Variants in SEMA3A observed in about 807,000 individuals in gnomAD.
SEMA3A encodes semaphorin 3A.
A neutral mutation model predicts 97.9 loss-of-function variants in SEMA3A; 29 were observed. The ratio of observed to expected loss-of-function variants is 0.30; its 90% CI spans 0.22 to 0.40. The LOEUF (loss-of-function observed/expected upper bound fraction) is 0.40. Among genes scored for constraint, SEMA3A ranks in the 10% least tolerant of loss-of-function variants. SEMA3A has a pLI of 1.00. For synonymous variants in SEMA3A, 321 were observed against 323.7 expected (o/e 0.99, Z 0.09); for missense variants, 763 against 951.3 (o/e 0.80, Z 2.60).
Position 83,955,853 on chromosome 7 carries a change from C to G in SEMA3A, c.*5518G>C, listed in dbSNP as rs1012174427. 6.6e-6 allele frequency: 1 copy of G among 152,116 alleles called. No individual in the cohort carries two copies. Among genetic ancestry groups the G allele is most frequent in the Non-Finnish European group, 1.5e-5 (1 of 68,024 alleles). The allele number at this position is 152,116 out of a possible 1,614,324, so 9.4% of individuals were successfully genotyped here. ...ACAAAGAGAGAAGACGGAAGTTGAG[C>G]CTTCACATTACCTGAATTGTGATGA... On this transcript the variant is annotated 3_prime_UTR_variant, in exon 17 of 17. Coordinates refer to ENST00000265362, the MANE Select transcript of SEMA3A (RefSeq NM_006080.3).
rs921682381 is a variant in SEMA3A at position 83,960,960 on chromosome 7, C to A, written c.*411G>T. On this transcript the variant is annotated 3_prime_UTR_variant, in exon 17 of 17. Coordinates refer to ENST00000265362, the MANE Select transcript of SEMA3A (RefSeq NM_006080.3). ...GAATCCAACCACGTTTTGGAATATT[C>A]ATCAGCTTAGTAAATCCATGCAGTT... 1.6e-5 allele frequency: 3 copies of A among 190,612 alleles called. No homozygotes were observed. The highest frequency in any genetic ancestry group is 1.1e-4 in the Admixed American group (2 of 18,780). The allele number at this position is 190,612 out of a possible 1,614,324, so 11.8% of individuals were successfully genotyped here.
intron 3 of SEMA3A, among the ~76,000 whole-genome samples, chr7:84,296,574 A>AT (rs1190666288): frequency 6.6e-6 from 1 of 152,166 alleles, no homozygotes; most frequent in Non-Finnish European, 1.5e-5. Context: ...TAAAAAAGAA[A>AT]TTTGGGATGT....
At chr7:84,104,458 A>G (rs946104584) in intron 4 of SEMA3A, among the ~76,000 whole-genome samples, 4 of 152,132 alleles carry the variant, frequency 2.6e-5, no homozygotes, top group Admixed American at 6.5e-5. Flanking sequence ...TCAGTAAAAA[A>G]CTGTACAATT....
chr7:84,290,649 CT>C (rs2115782528), intron 3 of SEMA3A, among the ~76,000 whole-genome samples: 1 of 152,152 alleles, frequency 6.6e-6, no homozygotes, highest in South Asian at 2.1e-4. Flanking sequence ...GAAGTAAGCC[CT>C]TTTAAAAATT....
At chr7:84,126,764 A>G (rs1264601657) in intron 3 of SEMA3A, among the ~76,000 whole-genome samples, 1 of 152,166 alleles carries the variant, frequency 6.6e-6, no homozygotes, top group Non-Finnish European at 1.5e-5. Context: ...TACTTTTCAA[A>G]TAATTTTCAC....
chr7:84,240,417 G>A (rs936413851), intron 3 of SEMA3A, among the ~76,000 whole-genome samples: 4 of 151,846 alleles, frequency 2.6e-5, no homozygotes, highest in Non-Finnish European at 4.4e-5. Context: ...TTATAAGAGA[G>A]AGGGCGGGGG....
chr7:84,160,259 ATCTATCTATCTATCTATCG>A (rs1405474754), intron 1 of SEMA3A, among the ~76,000 whole-genome samples: 2 of 122,296 alleles, frequency 1.6e-5, no homozygotes, highest in African/African-American at 6.3e-5. Flanking sequence ...CTATCTATCT[ATCTATCTATCTATCTATCG>A]TTAGTTCGTT....
intron 4 of SEMA3A, among the ~76,000 whole-genome samples, chr7:84,091,226 G>A (rs1256868149): frequency 1.6e-5 from 1 of 61,890 alleles, no homozygotes; most frequent in Non-Finnish European, 3.8e-5. Flanking sequence ...AGAAAAGAAA[G>A]AAAAGAAAGA....
At chr7:84,222,840 T>C (rs1478953324) in intron 3 of SEMA3A, among the ~76,000 whole-genome samples, 1 of 151,914 alleles carries the variant, frequency 6.6e-6, no homozygotes, top group East Asian at 1.9e-4. Context: ...TATGTTGGTA[T>C]CACTAGGGAA....
chr7:84,303,255 A>C (rs975197812), intron 3 of SEMA3A, among the ~76,000 whole-genome samples: 1 of 152,124 alleles, frequency 6.6e-6, no homozygotes, highest in Non-Finnish European at 1.5e-5. Flanking sequence ...CCGTGAGGTA[A>C]GAGCTTGCTA....
At chr7:84,035,946 C>T (rs896114473) in intron 6 of SEMA3A, among the ~76,000 whole-genome samples, 1 of 152,024 alleles carries the variant, frequency 6.6e-6, no homozygotes, top group Non-Finnish European at 1.5e-5. Flanking sequence ...AACTGATTCC[C>T]GTCCTTTTCT....
intron 1 of SEMA3A, among the ~76,000 whole-genome samples, chr7:84,452,139 A>G (rs1805571872): frequency 6.6e-6 from 1 of 152,184 alleles, no homozygotes; most frequent in African/African-American, 2.4e-5. Flanking sequence ...AAAAACATTC[A>G]AAGAAGGATC....
chr7:84,431,339 T>A (rs1006889232), intron 1 of SEMA3A, among the ~76,000 whole-genome samples: 3 of 152,048 alleles, frequency 2.0e-5, no homozygotes, highest in African/African-American at 7.2e-5. Flanking sequence ...TTCATTGATA[T>A]CTAATTCATC....
At chr7:83,976,317 CA>C (rs986909388) in intron 15 of SEMA3A, among the ~76,000 whole-genome samples, 15 of 151,866 alleles carry the variant, frequency 9.9e-5, no homozygotes, top group African/African-American at 1.2e-4. Context: ...TAAATGGCAT[CA>C]AAAAAATTAA....
intron 3 of SEMA3A, among the ~76,000 whole-genome samples, chr7:84,246,313 A>G (rs1326947779): frequency 6.6e-6 from 1 of 152,246 alleles, no homozygotes; most frequent in Non-Finnish European, 1.5e-5. Flanking sequence ...AGAAAATTAA[A>G]ACAAGGACTT....
rs547788356 is a variant in SEMA3A at position 84,358,507 on chromosome 7, G to T, written c.-169+13317C>A. Among the ~76,000 whole-genome samples, 15 of 152,148 alleles carry T rather than the reference G, an allele frequency of 9.9e-5. No individual in the cohort carries two copies. In the East Asian group the frequency reaches 2.7e-3, roughly 27 times the overall value. ...TTCCATTGGTCTCTGTCTCTGTTTTGGTACCAGTACCATGCTGTTTTGGTT... is the reference window on the plus strand; with the variant it reads ...TTCCATTGGTCTCTGTCTCTGTTTTTGTACCAGTACCATGCTGTTTTGGTT... On this transcript the variant is annotated intron_variant, in intron 2 of 3. Transcript: ENST00000424555.
chr7:84,092,527 CT>C (rs912288057), intron 4 of SEMA3A, among the ~76,000 whole-genome samples: 15 of 152,160 alleles, frequency 9.9e-5, no homozygotes, highest in Admixed American at 5.2e-4. Flanking sequence ...AAACATGCTA[CT>C]TTTTTTCAAT....
chr7:84,298,432 C>A (rs1218148976), intron 3 of SEMA3A, among the ~76,000 whole-genome samples: 1 of 152,064 alleles, frequency 6.6e-6, no homozygotes, highest in Non-Finnish European at 1.5e-5. Flanking sequence ...GTGACCACCT[C>A]AACATAAGAT....
chr7:83,990,832 G>A (rs952770687), intron 12 of SEMA3A, among the ~76,000 whole-genome samples: 44 of 144,830 alleles, frequency 3.0e-4, no homozygotes, highest in Non-Finnish European at 5.6e-4. Context: ...GAACTTTAAA[G>A]TAGTTTTTTC....
Sources: gnomAD v4.1 joint callset for allele counts (sites outside exome capture counted in the v4.1 genomes callset) on GRCh38, gnomAD v4.1.1 for gene constraint, MANE v1.5 for transcripts, NCBI Gene and HGNC (gene_info 2026-07-23, HGNC 2026-07-21) for gene names.